The following SPINK8 variants were observed in gnomAD, a reference collection of about 807,000 sequenced individuals.
SPINK8 encodes the protein serine peptidase inhibitor Kazal type 8 (putative), also known as serine protease inhibitor Kazal-type 8.
In SPINK8, 12 loss-of-function variants were observed where a neutral mutation model predicts 14.4. The observed-to-expected ratio is 0.83, with a 90% CI of 0.53 to 1.35. The LOEUF is 1.35. Among genes scored for constraint, SPINK8 ranks in the 40% most tolerant of loss-of-function variants. SPINK8 has a pLI of 0.00. For missense variants in SPINK8, 103 were observed against 117.0 expected (o/e 0.88, Z 0.55); for synonymous variants, 32 against 37.6 (o/e 0.85, Z 0.55).
At chr3:48,314,487 A>C (rs2035960836) in intron 6 of SPINK8, among the ~76,000 whole-genome samples, 1 of 152,180 alleles carries the variant, frequency 6.6e-6, no homozygotes, top group African/African-American at 2.4e-5. Context: ...AATGAAAAAC[A>C]ACCACCCACA....
At chr3:48,317,350 T>A (rs2036006809) in intron 6 of SPINK8, among the ~76,000 whole-genome samples, 1 of 152,028 alleles carries the variant, frequency 6.6e-6, no homozygotes, top group Admixed American at 6.6e-5. Flanking sequence ...TAGCTAGGTG[T>A]GTTGGTGTGC....
At chr3:48,328,394 A>C (rs781533285) in intron 3 of SPINK8, 40 bp from the exon 4 acceptor site, 1 of 1,479,358 alleles carries the variant, frequency 6.8e-7, no homozygotes, top group South Asian at 1.2e-5. Context: ...ACAAACATCT[A>C]TGCGAAGTAC....
intron 7 of SPINK8, among the ~76,000 whole-genome samples, chr3:48,308,990 T>A (rs1339023321): frequency 2.0e-5 from 3 of 152,192 alleles, no homozygotes; most frequent in Non-Finnish European, 2.9e-5. Context: ...CCCCAAATCA[T>A]GAAAGTGTCT....
In SPINK8 at chr3:48,306,916, T is replaced by C; in HGVS notation, c.*76A>G. ...CAACCATTAGTAATTAAAGGGGATA[T>C]ATTTGAAGAGGCAACCATTGTGTTT... On this transcript the variant is annotated 3_prime_UTR_variant, in exon 8 of 8. Transcript: ENST00000434006. 6.8e-7 allele frequency: 1 copy of C among 1,471,646 alleles called. No individual in the cohort carries two copies. Among genetic ancestry groups the C allele is most frequent in the South Asian group, 1.2e-5 (1 of 83,720 alleles). 91.2% of individuals were successfully genotyped at this position (1,471,646 alleles called of 1,614,324 possible).
intron 6 of SPINK8, among the ~76,000 whole-genome samples, chr3:48,314,610 T>C (rs2035962553): frequency 6.6e-6 from 1 of 152,092 alleles, no homozygotes; most frequent in African/African-American, 2.4e-5. Flanking sequence ...TCTGGGTGGT[T>C]CTCTGAAAGA....
intron 6 of SPINK8, among the ~76,000 whole-genome samples, chr3:48,316,880 T>G (rs557035787): frequency 6.6e-6 from 1 of 152,306 alleles, no homozygotes; most frequent in South Asian, 2.1e-4. Context: ...AATTAAGATA[T>G]GTCTAGATAA....
Position 48,321,028 on chromosome 3 carries a change from T to A in SPINK8, c.114A>T (p.Thr38=), listed in dbSNP as rs1270985018. 1 of 1,589,974 alleles carries A rather than the reference T, an allele frequency of 6.3e-7. No individual in the cohort carries two copies. Among genetic ancestry groups the A allele is most frequent in the Non-Finnish European group, 8.6e-7 (1 of 1,166,982 alleles). ...MASERGQLDK[T]IVECLKNVNK... The stretch of plus-strand genomic sequence containing the variant: ...GAACCAAGGAAGCAGTACTCACTAT[T>A]GTTTTGTCTAGCTGACCTCTTTCAG... The change falls in exon 5 of 8, where the codon ACA becomes ACT. Residue 38 remains threonine (T), a synonymous_variant. Transcript: ENST00000434006.
chr3:48,308,039 T>A (rs915263373), intron 7 of SPINK8, among the ~76,000 whole-genome samples: 2 of 147,800 alleles, frequency 1.4e-5, no homozygotes. Flanking sequence ...AGTGGCGTGA[T>A]CTTGGCTTAC....
intron 4 of SPINK8, among the ~76,000 whole-genome samples, chr3:48,322,168 C>T (rs2036084814): frequency 6.6e-6 from 1 of 151,354 alleles, no homozygotes; most frequent in Non-Finnish European, 1.5e-5. Context: ...TTAAATAATT[C>T]ACCTAAAGTT....
At chr3:48,322,430 G>A (rs2036088514) in intron 4 of SPINK8, among the ~76,000 whole-genome samples, 1 of 151,862 alleles carries the variant, frequency 6.6e-6, no homozygotes. Context: ...CGGCCTCCTG[G>A]GTTCAAGTGA....
chr3:48,331,436 T>A (rs2036259043), intron 2 of SPINK8, among the ~76,000 whole-genome samples: 3 of 152,136 alleles, frequency 2.0e-5, no homozygotes, highest in Non-Finnish European at 2.9e-5. Context: ...TTCTGATGAC[T>A]CCTGCAGTGT....
intron 7 of SPINK8, among the ~76,000 whole-genome samples, chr3:48,309,093 C>T (rs768567038): frequency 6.6e-6 from 1 of 152,164 alleles, no homozygotes; most frequent in Non-Finnish European, 1.5e-5. Flanking sequence ...GTCTGTAAAT[C>T]AGATGAGCCC....
chr3:48,309,040 A>T (rs772002774), intron 7 of SPINK8, among the ~76,000 whole-genome samples: 1 of 152,256 alleles, frequency 6.6e-6, no homozygotes, highest in Non-Finnish European at 1.5e-5. Context: ...ACTAGAGAAC[A>T]TTCAGGTAAT....
rs576026982 is a variant in SPINK8 at position 48,320,944 on chromosome 3, C to T, written c.117+81G>A. The T allele has an allele frequency of 3.8e-5, 54 of 1,439,976 alleles. No individual in the cohort carries two copies. The South Asian group carries it at 6.1e-4, about 16-fold the overall frequency. The allele number at this position is 1,439,976 out of a possible 1,614,324, so 89.2% of individuals were successfully genotyped here. A position where few individuals can be genotyped will look rare whatever the true frequency, so the allele number is the denominator to read the frequency against. ...GCAAGCCCCCTCCACTGCCCACCTC[C>T]CAGAAGAAAGAGCTGGGGCTTTTGG... On this transcript the variant is annotated intron_variant, in intron 5 of 7. Coordinates refer to ENST00000434006, the MANE Select transcript of SPINK8 (RefSeq NM_001080525.3).
At chr3:48,323,453 T>C (rs1260323960) in intron 4 of SPINK8, among the ~76,000 whole-genome samples, 4 of 152,236 alleles carry the variant, frequency 2.6e-5, no homozygotes, top group African/African-American at 9.6e-5. Context: ...AAAAGTCCAA[T>C]TGATCTTTTT....
At chr3:48,324,606 A>C (rs1575346035) in intron 4 of SPINK8, among the ~76,000 whole-genome samples, 2 of 152,336 alleles carry the variant, frequency 1.3e-5, no homozygotes, top group East Asian at 1.9e-4. Context: ...TCTAACATAA[A>C]GAACATATAG....
chr3:48,307,625 C>T (rs1268975945), intron 7 of SPINK8, among the ~76,000 whole-genome samples: 2 of 147,326 alleles, frequency 1.4e-5, no homozygotes, highest in Admixed American at 1.4e-4. Flanking sequence ...GTGCCAATAG[C>T]TCATTGTAGT....
intron 1 of SPINK8, among the ~76,000 whole-genome samples, 33 bp downstream of exon 1, chr3:48,333,502 C>T (rs985489482): frequency 6.6e-6 from 1 of 152,162 alleles, no homozygotes; most frequent in Non-Finnish European, 1.5e-5. Context: ...TAACCACCCA[C>T]GGACCTCTGC....
At chr3:48,325,804 G>A (rs1249024367) in intron 4 of SPINK8, among the ~76,000 whole-genome samples, 1 of 151,856 alleles carries the variant, frequency 6.6e-6, no homozygotes, top group Non-Finnish European at 1.5e-5. Context: ...CTCCAAGTTG[G>A]TCAGGCTGGT....
Sources: allele counts gnomAD v4.1 joint callset (sites outside exome capture counted in the v4.1 genomes callset), GRCh38; gene constraint gnomAD v4.1.1; transcripts MANE v1.5; gene names NCBI Gene and HGNC (gene_info 2026-07-23, HGNC 2026-07-21).